Variants in MAGI2 observed in about 807,000 individuals in gnomAD.
The protein encoded by MAGI2 is membrane associated guanylate kinase, WW and PDZ domain containing 2, also known as membrane-associated guanylate kinase, WW and PDZ domain-containing protein 2.
In MAGI2, 35 loss-of-function variants were observed where a neutral mutation model predicts 133.3. The ratio of observed to expected loss-of-function variants is 0.26; its 90% CI spans 0.20 to 0.35. MAGI2 has a LOEUF of 0.35. MAGI2 is among the 10% of genes least tolerant of loss of function. The pLI, the probability that MAGI2 is intolerant of heterozygous loss-of-function variation, is 1.00. For synonymous variants in MAGI2, 729 were observed against 710.6 expected, an observed-to-expected ratio of 1.03 and a Z score of -0.41; for missense variants, 1,636 against 1,863.4, an observed-to-expected ratio of 0.88 and a Z score of 2.25.
intron 1 of MAGI2, among the ~76,000 whole-genome samples, chr7:79,337,716 A>G (rs1840542723): frequency 6.6e-6 from 1 of 152,154 alleles, no homozygotes; most frequent in African/African-American, 2.4e-5. Context: ...TGTTTTCCAA[A>G]TTGAACTACA....
rs189529083 is a variant in MAGI2 at position 78,099,352 on chromosome 7, T to A, written c.3568-20267A>T. Among the ~76,000 whole-genome samples the A allele has an allele frequency of 1.4e-4, 22 of 152,296 alleles. No homozygotes were observed. In the East Asian group the frequency reaches 4.2e-3, roughly 29 times the overall value. ...AACAACTGAGTTATAAATGATTAAC[T>A]TTTTTCCCTTAAATTATACATTTTA... On this transcript the variant is annotated intron_variant, in intron 20 of 21. Transcript: ENST00000354212.
intron 3 of MAGI2, among the ~76,000 whole-genome samples, chr7:78,591,074 T>A (rs1803951069): frequency 6.6e-6 from 1 of 152,186 alleles, no homozygotes; most frequent in African/African-American, 2.4e-5. Flanking sequence ...TAGATTTATC[T>A]AAACTCCAAA....
intron 1 of MAGI2, among the ~76,000 whole-genome samples, chr7:79,212,748 T>C (rs755901063): frequency 2.0e-5 from 3 of 152,072 alleles, no homozygotes; most frequent in Non-Finnish European, 4.4e-5. Flanking sequence ...TCAGTGATTA[T>C]GTACATTTTA....
At chr7:78,966,779 C>A (rs1405054113) in intron 2 of MAGI2, among the ~76,000 whole-genome samples, 1 of 150,516 alleles carries the variant, frequency 6.6e-6, no homozygotes, top group African/African-American at 2.4e-5. Context: ...CACCATTAAA[C>A]ATTCCCACTA....
At chr7:79,319,025 C>T (rs1018117276) in intron 1 of MAGI2, among the ~76,000 whole-genome samples, 5 of 152,084 alleles carry the variant, frequency 3.3e-5, no homozygotes, top group Admixed American at 6.6e-5. Flanking sequence ...CTCAGATTTA[C>T]TATATGAAAG....
intron 6 of MAGI2, among the ~76,000 whole-genome samples, chr7:78,422,438 C>G (rs1302080383): frequency 2.6e-5 from 4 of 152,082 alleles, no homozygotes; most frequent in Admixed American, 2.6e-4. Flanking sequence ...ACAAAACAGG[C>G]AAACACTTGT....
chr7:79,111,355 C>G (rs990829118), intron 1 of MAGI2, among the ~76,000 whole-genome samples: 3 of 152,138 alleles, frequency 2.0e-5, no homozygotes, highest in Admixed American at 6.5e-5. Flanking sequence ...GAACCTTTCA[C>G]TTTCATAGAG....
chr7:78,916,099 ATGT>A (rs1798771919), intron 2 of MAGI2, among the ~76,000 whole-genome samples: 1 of 152,140 alleles, frequency 6.6e-6, no homozygotes, highest in African/African-American at 2.4e-5. Flanking sequence ...AGTATAGCAG[ATGT>A]TGTTCAAAAC....
At chr7:78,808,423 A>G (rs1024174572) in intron 2 of MAGI2, among the ~76,000 whole-genome samples, 4 of 151,758 alleles carry the variant, frequency 2.6e-5, no homozygotes, top group African/African-American at 7.3e-5. Context: ...CGCCTGGCTA[A>G]TTTTTTGTAT....
At chr7:79,005,406 A>C (rs143211638) in intron 2 of MAGI2, among the ~76,000 whole-genome samples, 1 of 152,140 alleles carries the variant, frequency 6.6e-6, no homozygotes, top group Non-Finnish European at 1.5e-5. Flanking sequence ...ATGTTTACTC[A>C]TATAAGTCTA....
chr7:78,869,045 G>A (rs1794822432), intron 2 of MAGI2, among the ~76,000 whole-genome samples: 1 of 152,208 alleles, frequency 6.6e-6, no homozygotes, highest in Non-Finnish European at 1.5e-5. Flanking sequence ...GAGCCACCAT[G>A]CCCAGCCCCA....
chr7:78,144,300 A>G (rs756003516), intron 16 of MAGI2, among the ~76,000 whole-genome samples: 3 of 152,132 alleles, frequency 2.0e-5, no homozygotes, highest in Non-Finnish European at 4.4e-5. Flanking sequence ...ATTTCTAATA[A>G]TATTCCTACA....
At chr7:79,133,437 C>T (rs1821115326) in intron 1 of MAGI2, among the ~76,000 whole-genome samples, 1 of 152,032 alleles carries the variant, frequency 6.6e-6, no homozygotes, top group South Asian at 2.1e-4. Context: ...TTTTTGTTTG[C>T]TTTGCCAAAG....
chr7:78,373,620 G>C (rs1794151467), intron 6 of MAGI2, among the ~76,000 whole-genome samples: 1 of 152,094 alleles, frequency 6.6e-6, no homozygotes, highest in African/African-American at 2.4e-5. Flanking sequence ...TTGAGTTTCA[G>C]TGGGGTGCAT....
chr7:79,161,700 C>T (rs1257604251), intron 1 of MAGI2, among the ~76,000 whole-genome samples: 2 of 151,994 alleles, frequency 1.3e-5, no homozygotes, highest in East Asian at 3.9e-4. Flanking sequence ...AAAGCTGCTG[C>T]TCTGGTAAAA....
At chr7:78,459,264 G>T (rs1053812168) in intron 6 of MAGI2, among the ~76,000 whole-genome samples, 1 of 152,166 alleles carries the variant, frequency 6.6e-6, no homozygotes, top group Non-Finnish European at 1.5e-5. Context: ...ATAATCTGCA[G>T]TAGATAGAAC....
Position 79,322,093 on chromosome 7 carries a change from T to A in MAGI2, c.301+130927A>T, listed in dbSNP as rs548591424. On this transcript the variant is annotated intron_variant, in intron 1 of 21. Coordinates refer to ENST00000354212, the MANE Select transcript of MAGI2 (RefSeq NM_012301.4). ...GTAATTTTTTTCAATAGAAAAAAAA[T>A]TAAAGGCATAGAAGCATTTACCTTC... Among the ~76,000 whole-genome samples the A allele has an allele frequency of 6.4e-4, 97 of 152,168 alleles. 2 individuals are homozygous for A. Among genetic ancestry groups the A allele is most frequent in the African/African-American group, 2.2e-3 (91 of 41,516 alleles).
intron 2 of MAGI2, among the ~76,000 whole-genome samples, chr7:79,006,032 A>G (rs905799046): frequency 6.6e-6 from 1 of 152,096 alleles, no homozygotes; most frequent in African/African-American, 2.4e-5. Context: ...CACCTCTCCT[A>G]AAAGGTGGGT....
intron 2 of MAGI2, among the ~76,000 whole-genome samples, chr7:78,846,190 GA>G (rs770833034): frequency 1.3e-5 from 2 of 148,668 alleles, no homozygotes; most frequent in East Asian, 2.0e-4. Context: ...ATTTCAAAAA[GA>G]AAAAAAAATG....
Sources: allele counts gnomAD v4.1 joint callset (sites outside exome capture counted in the v4.1 genomes callset), GRCh38; gene constraint gnomAD v4.1.1; transcripts MANE v1.5; gene names NCBI Gene and HGNC (gene_info 2026-07-23, HGNC 2026-07-21).